Variants in LGALS3 observed in about 807,000 individuals in gnomAD.
The protein encoded by LGALS3 is galectin 3.
LGALS3 carries 18 observed loss-of-function variants against 20.7 expected under a neutral mutation model. That is an observed-to-expected ratio of 0.87 (90% CI 0.60 to 1.29). LGALS3 has a LOEUF of 1.29. Among genes scored for constraint, LGALS3 ranks in the 50% most tolerant of loss-of-function variants. LGALS3 has a pLI of 0.00. For synonymous variants in LGALS3, 112 were observed against 119.6 expected, an observed-to-expected ratio of 0.94 and a Z score of 0.42; for missense variants, 315 against 314.7, an observed-to-expected ratio of 1.00 and a Z score of -0.01.
chr14:55,133,776 C>T (rs1317244992), intron 1 of LGALS3, among the ~76,000 whole-genome samples: 1 of 152,116 alleles, frequency 6.6e-6, no homozygotes, highest in Non-Finnish European at 1.5e-5. Flanking sequence ...ATAAACTAAA[C>T]ATGCTTGAGC....
At chr14:55,144,048 AC>A (rs1229732472) in intron 5 of LGALS3, among the ~76,000 whole-genome samples, 2 of 152,160 alleles carry the variant, frequency 1.3e-5, no homozygotes, top group African/African-American at 4.8e-5. Context: ...GATTTCTCCT[AC>A]CCTTGCCAAA....
chr14:55,143,213 C>G (rs1203709894), intron 5 of LGALS3, among the ~76,000 whole-genome samples: 1 of 152,134 alleles, frequency 6.6e-6, no homozygotes, highest in East Asian at 1.9e-4. Flanking sequence ...AGTTGCAATT[C>G]GATGAGTATC....
intron 1 of LGALS3, among the ~76,000 whole-genome samples, chr14:55,131,865 A>G (rs908466034): frequency 2.0e-5 from 3 of 152,158 alleles, no homozygotes; most frequent in Non-Finnish European, 4.4e-5. Flanking sequence ...CCTTATTCCA[A>G]CTTAGCATCA....
chr14:55,134,370 T>C (rs551353612), intron 1 of LGALS3, among the ~76,000 whole-genome samples: 1 of 152,276 alleles, frequency 6.6e-6, no homozygotes, highest in African/African-American at 2.4e-5. Flanking sequence ...CACAATAAGC[T>C]CCTGTGCAAT....
chr14:55,134,989 T>TA (rs11399383), intron 1 of LGALS3, among the ~76,000 whole-genome samples: 12,342 of 145,456 alleles, frequency 0.085, 1,340 homozygotes, highest in African/African-American at 0.25. Flanking sequence ...ACCCCGTGTC[T>TA]AAAAAAAAAA....
At chr14:55,143,024 C>T (rs1286390176) in intron 5 of LGALS3, among the ~76,000 whole-genome samples, 1 of 152,070 alleles carries the variant, frequency 6.6e-6, no homozygotes, top group South Asian at 2.1e-4. Context: ...TAATCTTTAA[C>T]AAAAAAGGCA....
rs1443018213 is a variant in LGALS3 at position 55,129,656 on chromosome 14, C to T, written c.-5+356C>T. On this transcript the variant is annotated intron_variant, in intron 1 of 5. Coordinates refer to ENST00000254301, the MANE Select transcript of LGALS3 (RefSeq NM_002306.4). This position sits in a 1 kb window ranked among gnomAD's most constrained non-coding sequence, Gnocchi z 5.3. ...CGCTCTGCGGCCCCAGAGTAAGCCC[C>T]ATCCGGTGACGAGCCGCAGTCTGGT... Among the ~76,000 whole-genome samples, 1 of 152,222 alleles carries T rather than the reference C, an allele frequency of 6.6e-6. No homozygotes were observed. The highest frequency in any genetic ancestry group is 2.4e-5 in the African/African-American group (1 of 41,458).
chr14:55,145,030 A>G (rs188215112), intron 5 of LGALS3, 86 bp from the exon 6 acceptor site: 1 of 1,087,424 alleles, frequency 9.2e-7, no homozygotes, highest in East Asian at 2.4e-5. Context: ...TATAGTGCAG[A>G]TGAAATATGT....
intron 4 of LGALS3, among the ~76,000 whole-genome samples, chr14:55,141,629 C>T (rs894164363): frequency 6.6e-6 from 1 of 152,020 alleles, no homozygotes; most frequent in African/African-American, 2.4e-5. Context: ...TTGCTTAGTC[C>T]TGCAAATTCT....
At chr14:55,143,278 CA>C (rs1881692878) in intron 5 of LGALS3, among the ~76,000 whole-genome samples, 1 of 152,150 alleles carries the variant, frequency 6.6e-6, no homozygotes, top group Non-Finnish European at 1.5e-5. Context: ...ACTGCTTCAA[CA>C]AATTAGATCC....
intron 4 of LGALS3, among the ~76,000 whole-genome samples, chr14:55,142,329 T>C (rs1881652052): frequency 2.0e-5 from 3 of 152,186 alleles, no homozygotes; most frequent in South Asian, 4.1e-4. Context: ...AATGGAAATA[T>C]GATCGAAGAC....
At chr14:55,137,598 C>G in intron 2 of LGALS3, 2 of 1,467,508 alleles carry the variant, frequency 1.4e-6, no homozygotes, top group South Asian at 2.8e-5. Context: ...AGGCCTGGGA[C>G]TCACTCACAG....
At chr14:55,136,502 C>A (rs1218312482) in intron 1 of LGALS3, among the ~76,000 whole-genome samples, 1 of 152,006 alleles carries the variant, frequency 6.6e-6, no homozygotes, top group Non-Finnish European at 1.5e-5. Flanking sequence ...GCACTGTAGG[C>A]CCTTCGGCTT....
At chr14:55,134,314 C>T (rs1316374031) in intron 1 of LGALS3, among the ~76,000 whole-genome samples, 1 of 152,192 alleles carries the variant, frequency 6.6e-6, no homozygotes, top group Non-Finnish European at 1.5e-5. Context: ...CAGGACAGCG[C>T]CCCACAGCAA....
rs1881577937 is a variant in LGALS3, at chr14:55,140,340, C to T, written c.408C>T (p.Gly136=). The stretch of plus-strand genomic sequence containing the variant: ...CTCGCATGCTGATAACAATTCTGGG[C>T]ACGGTGAAGCCCAATGCAAACAGGT... ...VVPRMLITIL[G]TVKPNANRIA... The change falls in exon 4 of 6, where the codon GGC becomes GGT. Residue 136 remains glycine (G), a synonymous_variant. Transcript: ENST00000254301. 1.2e-6 allele frequency: 2 copies of T among 1,612,650 alleles called. No homozygotes were observed. Among genetic ancestry groups the T allele is most frequent in the Non-Finnish European group, 1.7e-6 (2 of 1,179,134 alleles).
intron 2 of LGALS3, 117 bp from the exon 3 acceptor site, chr14:55,137,928 G>T: frequency 7.3e-7 from 1 of 1,361,456 alleles, no homozygotes; most frequent in Non-Finnish European, 9.5e-7. Context: ...TTAATGATAT[G>T]CATGTAATGC....
intron 4 of LGALS3, among the ~76,000 whole-genome samples, chr14:55,140,853 G>C (rs769521180): frequency 6.6e-6 from 1 of 152,184 alleles, no homozygotes; most frequent in Non-Finnish European, 1.5e-5. Flanking sequence ...GATGAGGTGG[G>C]CTAGGATGGG....
chr14:55,132,427 C>A (rs957885955), intron 1 of LGALS3, among the ~76,000 whole-genome samples: 1 of 151,780 alleles, frequency 6.6e-6, no homozygotes, highest in South Asian at 2.1e-4. Flanking sequence ...ATGTCTCTCT[C>A]TGTAAACTAC....
chr14:55,142,672 A>G lies in LGALS3; in HGVS notation c.520A>G (p.Asn174Asp). Residue 174 changes from asparagine (N) to aspartate (D), a missense_variant, in exon 5 of 6, where the codon AAT (asparagine) becomes GAT (aspartate). Transcript: ENST00000254301. Reference protein sequence around the residue: ...NENNRRVIVCNTKLDNNWGRE... With the variant: ...NENNRRVIVCDTKLDNNWGRE... ...GAACAACAGGAGAGTCATTGTTTGC[A>G]ATACAAAGCTGGATAATAACTGGGG... The G allele has an allele frequency of 6.2e-7, 1 of 1,613,862 alleles. No individual in the cohort carries two copies. Among genetic ancestry groups the G allele is most frequent in the East Asian group, 2.2e-5 (1 of 44,870 alleles).
Sources: allele counts gnomAD v4.1 joint callset (sites outside exome capture counted in the v4.1 genomes callset), GRCh38; gene constraint gnomAD v4.1.1; non-coding constraint Gnocchi (gnomAD v3.1); transcripts MANE v1.5; gene names NCBI Gene and HGNC (gene_info 2026-07-23, HGNC 2026-07-21).